MYO1E: variants seen among roughly 807,000 people sequenced by gnomAD.
The protein encoded by MYO1E is myosin IE, also known as unconventional myosin-Ie.
A neutral mutation model predicts 151.1 loss-of-function variants in MYO1E; 68 were observed. The ratio of observed to expected loss-of-function variants is 0.45; its 90% confidence interval spans 0.37 to 0.55. The LOEUF (loss-of-function observed/expected upper bound fraction) is 0.55, where lower values mean the gene tolerates loss of function less well. MYO1E is among the 20% of genes least tolerant of loss of function. The pLI is 0.00. For missense variants in MYO1E, 1,363 were observed against 1,389.3 expected (o/e 0.98, Z 0.30); for synonymous variants, 601 against 501.7 (o/e 1.20, Z -2.64).
chr15:59,155,239 T>C (rs1234990259), intron 25 of MYO1E, among the ~76,000 whole-genome samples: 1 of 152,214 alleles, frequency 6.6e-6, no homozygotes, highest in Non-Finnish European at 1.5e-5. Context: ...AAATGAAGAG[T>C]AAGCATTTAG....
At chr15:59,291,475 A>AAAAC (rs138020248) in intron 1 of MYO1E, among the ~76,000 whole-genome samples, 2 of 152,066 alleles carry the variant, frequency 1.3e-5, no homozygotes, top group Non-Finnish European at 2.9e-5. Context: ...GCTTTGCACT[A>AAAAC]AAACAAACAA....
At chr15:59,237,340 A>G (rs1271423432) in intron 4 of MYO1E, among the ~76,000 whole-genome samples, 1 of 152,210 alleles carries the variant, frequency 6.6e-6, no homozygotes, top group Non-Finnish European at 1.5e-5. Flanking sequence ...CCTTGAAGCA[A>G]TATTAATCAC....
At chr15:59,194,177 A>G (rs2079751587) in intron 17 of MYO1E, among the ~76,000 whole-genome samples, 1 of 147,144 alleles carries the variant, frequency 6.8e-6, no homozygotes, top group Non-Finnish European at 1.5e-5. Flanking sequence ...CTTGTCTCCA[A>G]AAAAAAAAAA....
intron 9 of MYO1E, among the ~76,000 whole-genome samples, chr15:59,221,369 T>A (rs2079955192): frequency 6.6e-6 from 1 of 152,066 alleles, no homozygotes; most frequent in African/African-American, 2.4e-5. Context: ...CCCCCAATAT[T>A]GCACAAAAGT....
At chr15:59,266,109 C>A (rs2080251972) in intron 2 of MYO1E, among the ~76,000 whole-genome samples, 1 of 152,126 alleles carries the variant, frequency 6.6e-6, no homozygotes, top group African/African-American at 2.4e-5. Context: ...CTAAACAATT[C>A]TCACCTTTTC....
At position 59,133,864 on chromosome 15, in the gene MYO1E, G is replaced by C. The variant is rs2079357355; in HGVS notation, c.*3516C>G. On this transcript the variant is annotated 3_prime_UTR_variant, in exon 28 of 28. Coordinates refer to ENST00000288235, the MANE Select transcript of MYO1E (RefSeq NM_004998.4). ...GACTTGGTGTGACCAGCTCCACTCAGGGAGGGTCTGGGGATGAGTTCAGGA... is the reference window on the plus strand; with the variant it reads ...GACTTGGTGTGACCAGCTCCACTCACGGAGGGTCTGGGGATGAGTTCAGGA... 1 of 152,404 alleles carries C rather than the reference G, an allele frequency of 6.6e-6. No individual in the cohort carries two copies. Among genetic ancestry groups the C allele is most frequent in the Non-Finnish European group, 1.5e-5 (1 of 68,090 alleles). The allele number at this position is 152,404 out of a possible 1,614,324, so 9.4% of individuals were successfully genotyped here.
intron 23 of MYO1E, 144 bp from the exon 24 acceptor site, chr15:59,161,374 G>A: frequency 1.1e-6 from 1 of 947,972 alleles, no homozygotes; most frequent in Non-Finnish European, 1.5e-6. Context: ...GGGCCCTGAG[G>A]ATGCGCACCG....
At chr15:59,164,007 G>T (rs1248077756) in intron 22 of MYO1E, among the ~76,000 whole-genome samples, 1 of 152,218 alleles carries the variant, frequency 6.6e-6, no homozygotes, top group Non-Finnish European at 1.5e-5. Flanking sequence ...GTTTGGACAG[G>T]GTGGGATTGT....
intron 10 of MYO1E, among the ~76,000 whole-genome samples, chr15:59,216,717 CACACACAT>C (rs2140344848): frequency 8.0e-6 from 1 of 125,158 alleles, no homozygotes; most frequent in East Asian, 2.2e-4. Flanking sequence ...CACACACACA[CACACACAT>C]AATTATGCCA....
rs757041312 is a variant in MYO1E at position 59,300,857 on chromosome 15, CTTTT to C, written c.4-28412_4-28409del. On this transcript the variant is annotated intron_variant, in intron 1 of 27. Coordinates refer to ENST00000288235, the MANE Select transcript of MYO1E (RefSeq NM_004998.4). ...CTTATTGTATATCTTTCTTTTTTTC[CTTTT>C]TTTTCTTTTTTTTTTTTTTTTTTTG... Among the ~76,000 whole-genome samples the C allele has an allele frequency of 2.4e-3, 349 of 143,980 alleles. 1 individual carries two copies. The highest frequency in any genetic ancestry group is 3.3e-3 in the Non-Finnish European group (223 of 66,704). The allele number at this position is 143,980 out of a possible 152,430, so 94.5% of individuals were successfully genotyped here. A position where few individuals can be genotyped will look rare whatever the true frequency, so the allele number is the denominator to read the frequency against.
At chr15:59,221,071 T>C (rs1211099624) in intron 9 of MYO1E, among the ~76,000 whole-genome samples, 1 of 148,610 alleles carries the variant, frequency 6.7e-6, no homozygotes, top group Non-Finnish European at 1.5e-5. Flanking sequence ...TTTTTTTCCC[T>C]TTTTGAGATG....
intron 25 of MYO1E, among the ~76,000 whole-genome samples, chr15:59,154,447 G>T (rs2079499140): frequency 6.6e-6 from 1 of 152,210 alleles, no homozygotes; most frequent in South Asian, 2.1e-4. Flanking sequence ...ACAGTGGCAG[G>T]CTCCAAACCA....
chr15:59,188,221 G>A lies in MYO1E; in HGVS notation c.1806-5C>T, dbSNP rs374857998. Reference sequence around the variant, plus strand: ...TATTCGACTTGATGCTTTACCCTGTGCAAAGGAGAAAATGGGGCCTGGACA... The same window carrying A: ...TATTCGACTTGATGCTTTACCCTGTACAAAGGAGAAAATGGGGCCTGGACA... On this transcript the variant is annotated splice_region_variant and splice_polypyrimidine_tract_variant and intron_variant, in intron 17 of 27. Coordinates refer to ENST00000288235, the MANE Select transcript of MYO1E (RefSeq NM_004998.4). 3 of 1,611,460 alleles carry A rather than the reference G, an allele frequency of 1.9e-6. No homozygotes were observed. In the African/African-American group the frequency reaches 4.0e-5, roughly 21 times the overall value.
chr15:59,248,208 G>A (rs1306624074), intron 4 of MYO1E, among the ~76,000 whole-genome samples: 1 of 151,204 alleles, frequency 6.6e-6, no homozygotes, highest in Non-Finnish European at 1.5e-5. Flanking sequence ...TATAGGCCGG[G>A]TGCGGTGGCT....
intron 18 of MYO1E, among the ~76,000 whole-genome samples, chr15:59,184,902 A>C (rs967935148): frequency 2.0e-5 from 3 of 152,114 alleles, no homozygotes; most frequent in Non-Finnish European, 4.4e-5. Flanking sequence ...TTACATTCCC[A>C]CCAACAGCAT....
In MYO1E at chr15:59,195,585, T is replaced by C. The variant is rs2079761641; in HGVS notation, c.1699-18A>G. ...GCTTGTTTCTAGAAAGGAAGAACAGTATCAGAATCATGGAACTTTCTCTAA... is the reference window on the plus strand; with the variant it reads ...GCTTGTTTCTAGAAAGGAAGAACAGCATCAGAATCATGGAACTTTCTCTAA... On this transcript the variant is annotated intron_variant, in intron 16 of 27. Coordinates refer to ENST00000288235, the MANE Select transcript of MYO1E (RefSeq NM_004998.4). 3 of 1,596,140 alleles carry C rather than the reference T, an allele frequency of 1.9e-6. No individual in the cohort carries two copies. The highest frequency in any genetic ancestry group is 1.7e-6 in the Non-Finnish European group (2 of 1,163,608).
intron 1 of MYO1E, among the ~76,000 whole-genome samples, chr15:59,296,259 G>T (rs67160830): frequency 0.11 from 16,792 of 152,230 alleles, 1,360 homozygotes; most frequent in East Asian, 0.35. Context: ...CATTTTAACT[G>T]ATGCTTCCTG....
intron 16 of MYO1E, among the ~76,000 whole-genome samples, chr15:59,201,393 T>A (rs912609329): frequency 2.1e-5 from 3 of 140,892 alleles, no homozygotes; most frequent in Non-Finnish European, 4.5e-5. Flanking sequence ...TACATCTGGC[T>A]GACACAGATT....
chr15:59,307,688 G>A (rs563536276), intron 1 of MYO1E, among the ~76,000 whole-genome samples: 85 of 152,088 alleles, frequency 5.6e-4, no homozygotes, highest in African/African-American at 2.0e-3. Flanking sequence ...TTGGCTCACG[G>A]CAACCTCTGC....
Sources: allele counts gnomAD v4.1 joint callset (sites outside exome capture counted in the v4.1 genomes callset), GRCh38; gene constraint gnomAD v4.1.1; transcripts MANE v1.5; gene names NCBI Gene and HGNC (gene_info 2026-07-23, HGNC 2026-07-21).